The following ADGRL2 variants were observed in gnomAD, a reference collection of about 807,000 sequenced individuals.
ADGRL2 encodes calcium-independent alpha-latrotoxin receptor 2.
A neutral mutation model predicts 157.4 loss-of-function variants in ADGRL2; 44 were observed. The observed-to-expected ratio is 0.28, with a 90% CI of 0.22 to 0.36. The LOEUF is 0.36. Among genes scored for constraint, ADGRL2 ranks in the 10% least tolerant of loss-of-function variants. The probability of loss-of-function intolerance (pLI) is 1.00; values close to 1 mark genes in which losing one functional copy is unlikely to be tolerated. For missense variants in ADGRL2, 1,510 were observed against 1,768.9 expected, an observed-to-expected ratio of 0.85 and a Z score of 2.63; for synonymous variants, 585 against 624.7, an observed-to-expected ratio of 0.94 and a Z score of 0.95.
At chr1:81,379,170 T>C (rs1277325584) in intron 1 of ADGRL2, among the ~76,000 whole-genome samples, 1 of 152,114 alleles carries the variant, frequency 6.6e-6, no homozygotes, top group Non-Finnish European at 1.5e-5. Context: ...TATATTGAAA[T>C]GGGAAATGTT....
At chr1:81,936,303 T>C (rs2095309623) in intron 3 of ADGRL2, among the ~76,000 whole-genome samples, 1 of 151,936 alleles carries the variant, frequency 6.6e-6, no homozygotes, top group African/African-American at 2.4e-5. Context: ...AGGTTTTGAC[T>C]CTTACGTTTC....
chr1:81,583,767 A>AAG (rs1229716558), intron 3 of ADGRL2, among the ~76,000 whole-genome samples: 1 of 152,150 alleles, frequency 6.6e-6, no homozygotes, highest in African/African-American at 2.4e-5. Context: ...TATAACTCTT[A>AAG]CCCTATTGTA....
chr1:81,627,704 G>A (rs1353502484), intron 3 of ADGRL2, among the ~76,000 whole-genome samples: 1 of 152,146 alleles, frequency 6.6e-6, no homozygotes, highest in Non-Finnish European at 1.5e-5. Context: ...ATTGAAAACA[G>A]TAAGACAGAG....
At position 81,991,179 on chromosome 1, in the gene ADGRL2, G is replaced by T; in HGVS notation, c.*34G>T. 1.3e-6 allele frequency: 2 copies of T among 1,552,760 alleles called. No homozygotes were observed. Among genetic ancestry groups the T allele is most frequent in the South Asian group, 1.2e-5 (1 of 83,808 alleles). ...CTAAGGAATTCCAAGGGCCACATGC[G>T]AGTATTAATAAATAAAGACACCATT... On this transcript the variant is annotated 3_prime_UTR_variant, in exon 24 of 24. Coordinates refer to ENST00000686636, the MANE Select transcript of ADGRL2 (RefSeq NM_001366006.2).
At chr1:81,519,827 T>A (rs574577918) in intron 2 of ADGRL2, among the ~76,000 whole-genome samples, 1 of 152,146 alleles carries the variant, frequency 6.6e-6, no homozygotes, top group Non-Finnish European at 1.5e-5. Context: ...TGATTTTGCT[T>A]GAGAAAAAAG....
chr1:81,697,482 C>T (rs995885613), upstream of ADGRL2, among the ~76,000 whole-genome samples: 39 of 152,118 alleles, frequency 2.6e-4, no homozygotes, highest in African/African-American at 9.4e-4. Flanking sequence ...GCATGGAAGG[C>T]ATAATAATGA....
intron 1 of ADGRL2, among the ~76,000 whole-genome samples, chr1:81,321,706 A>G (rs574240664): frequency 1.3e-3 from 204 of 152,298 alleles, no homozygotes; most frequent in Non-Finnish European, 2.2e-3. Context: ...CTGAAGAACT[A>G]TAATAGTCAC....
intron 1 of ADGRL2, among the ~76,000 whole-genome samples, chr1:81,313,509 C>T (rs990739093): frequency 1.3e-5 from 2 of 152,142 alleles, no homozygotes; most frequent in East Asian, 1.9e-4. Context: ...CTTAGCCACT[C>T]GGGTGATAGG....
In ADGRL2 at chr1:81,817,918, G is replaced by T. The variant is rs571846584; in HGVS notation, c.-101+16850G>T. Among the ~76,000 whole-genome samples the T allele has an allele frequency of 3.3e-5, 5 of 151,908 alleles. No individual in the cohort carries two copies. The East Asian group carries it at 5.8e-4, about 18-fold the overall frequency. Reference sequence around the variant, plus strand: ...GGTGTCTCATGCTTATAATCCCAGCGCCATAGAGGATGAAGTGGTAGGATA... The same window carrying T: ...GGTGTCTCATGCTTATAATCCCAGCTCCATAGAGGATGAAGTGGTAGGATA... On this transcript the variant is annotated intron_variant, in intron 1 of 23. Transcript: ENST00000686636.
intron 1 of ADGRL2, among the ~76,000 whole-genome samples, chr1:81,749,339 T>C (rs1180110694): frequency 6.6e-6 from 1 of 152,168 alleles, no homozygotes; most frequent in East Asian, 1.9e-4. Flanking sequence ...ACCAAATAAA[T>C]GGTAAACTGA....
intron 2 of ADGRL2, among the ~76,000 whole-genome samples, chr1:81,547,902 C>T (rs1386023598): frequency 6.6e-6 from 1 of 152,184 alleles, no homozygotes; most frequent in Non-Finnish European, 1.5e-5. Context: ...ACCAAAATAA[C>T]AATATTAGCT....
chr1:81,557,875 C>G (rs1367215321), intron 2 of ADGRL2: 1 of 152,272 alleles, frequency 6.6e-6, no homozygotes, highest in African/African-American at 2.4e-5. Context: ...CTGTTACTTT[C>G]TGTATAATCT....
chr1:81,423,761 T>A (rs923757160), intron 1 of ADGRL2, among the ~76,000 whole-genome samples: 1 of 152,184 alleles, frequency 6.6e-6, no homozygotes, highest in Non-Finnish European at 1.5e-5. Context: ...ACCACGTAAT[T>A]AATCCTTGCA....
chr1:81,464,548 T>C (rs1468833626), intron 2 of ADGRL2, among the ~76,000 whole-genome samples: 1 of 152,314 alleles, frequency 6.6e-6, no homozygotes, highest in Admixed American at 6.5e-5. Context: ...CAGCCTGAAT[T>C]CTTTCTCTGT....
At chr1:81,722,916 G>C (rs2084383353) in intron 1 of ADGRL2, 1 of 733,968 alleles carries the variant, frequency 1.4e-6, no homozygotes, top group African/African-American at 1.7e-5. Context: ...GAAATTCTTA[G>C]TGATCTAGAG....
rs963474484 is a variant in ADGRL2 at position 81,554,922 on chromosome 1, G to A, written c.-247-25954G>A. Among the ~76,000 whole-genome samples the A allele has an allele frequency of 4.6e-5, 7 of 152,110 alleles. No individual in the cohort carries two copies. The Middle Eastern group carries it at 0.014, about 296-fold the overall frequency. ...CTTACAGGTGTACAATTAGTGAGGGGCAGAGAGACAGGTGCAAAGCACTAG... is the reference window on the plus strand; with the variant it reads ...CTTACAGGTGTACAATTAGTGAGGGACAGAGAGACAGGTGCAAAGCACTAG... On this transcript the variant is annotated intron_variant, in intron 2 of 24. Transcript: ENST00000370721.
chr1:81,671,722 A>G (rs2082879926), intron 3 of ADGRL2, among the ~76,000 whole-genome samples: 1 of 152,152 alleles, frequency 6.6e-6, no homozygotes, highest in Admixed American at 6.5e-5. Flanking sequence ...TGTGTTGGCC[A>G]GGCTGATCTC....
intron 2 of ADGRL2, among the ~76,000 whole-genome samples, chr1:81,489,332 T>G (rs958486153): frequency 4.0e-5 from 6 of 150,396 alleles, no homozygotes; most frequent in Non-Finnish European, 4.4e-5. Context: ...AAATGAAAAA[T>G]TCACTAGAGG....
intron 11 of ADGRL2, among the ~76,000 whole-genome samples, chr1:81,957,342 T>G (rs560955388): frequency 6.6e-6 from 1 of 152,336 alleles, no homozygotes; most frequent in Non-Finnish European, 1.5e-5. Context: ...TTGAGATATA[T>G]TCTGAACAAT....
Sources: allele counts gnomAD v4.1 joint callset (sites outside exome capture counted in the v4.1 genomes callset), GRCh38; gene constraint gnomAD v4.1.1; transcripts MANE v1.5; gene names NCBI Gene and HGNC (gene_info 2026-07-23, HGNC 2026-07-21).